Variants in A1BG observed in about 807,000 individuals in gnomAD.
A1BG encodes alpha-1-B glycoprotein.
A1BG carries 44 observed loss-of-function variants against 46.0 expected under a neutral mutation model. That is an observed-to-expected ratio of 0.96 (90% CI 0.75 to 1.23). The LOEUF (loss-of-function observed/expected upper bound fraction) is 1.23. A1BG is among the 50% of genes most tolerant of loss of function. The pLI is 0.00. For synonymous variants in A1BG, 316 were observed against 314.7 expected (o/e 1.00, Z -0.04); for missense variants, 707 against 688.8 (o/e 1.03, Z -0.30).
intron 5 of A1BG, 108 bp downstream of exon 5, chr19:58,351,262 CGGGTGGGCGGATAAAGTTGGT>C (rs1454688658): frequency 1.7e-6 from 2 of 1,148,846 alleles, no homozygotes; most frequent in Admixed American, 2.1e-5. Context: ...CCTGAATCGG[CGGGTGGGCGGATAAAGTTGGT>C]ATTGGACCCT....
At position 58,345,396 on chromosome 19, in the gene A1BG, G is replaced by GCTCAC. The variant is rs1447442954; in HGVS notation, c.*1621_*1625dup. The GCTCAC allele has an allele frequency of 2.0e-5, 3 of 152,210 alleles. No homozygotes were observed. The highest frequency in any genetic ancestry group is 2.4e-5 in the African/African-American group (1 of 41,448). The allele number at this position is 152,210 out of a possible 1,614,324, so 9.4% of individuals were successfully genotyped here. A position where few individuals can be genotyped will look rare whatever the true frequency, so the allele number is the denominator to read the frequency against. On this transcript the variant is annotated 3_prime_UTR_variant, in exon 8 of 8. Transcript: ENST00000263100. ...AACTAAGCTGGGGCTGGGCGTGGTG[G>GCTCAC]CTCACCCCTGTAATCCCAGCACTTT...
Position 58,350,485 on chromosome 19 carries a change from G to A in A1BG, c.1077C>T (p.Phe359=), listed in dbSNP as rs2051947568. ...FQSPAGTEAL[F]ELHNISVADS... ...CAGCCACGGAAATGTTGTGCAGCTC[G>A]AAGAGCGCCTCGGTCCCAGCGGGGC... Residue 359 remains phenylalanine, a synonymous_variant, in exon 6 of 8, where the codon TTC becomes TTT. Coordinates refer to ENST00000263100, the MANE Select transcript of A1BG (RefSeq NM_130786.4). 6.4e-7 allele frequency: 1 copy of A among 1,556,506 alleles called. No individual in the cohort carries two copies. Among genetic ancestry groups the A allele is most frequent in the Non-Finnish European group, 8.7e-7 (1 of 1,150,704 alleles).
intron 6 of A1BG, 40 bp from the exon 7 acceptor site, chr19:58,347,680 C>T: frequency 7.7e-7 from 1 of 1,295,364 alleles, no homozygotes. Flanking sequence ...GGCCACGCCC[C>T]AGGCCACGCC....
At chr19:58,350,769 C>CT in intron 5 of A1BG, 118 bp from the exon 6 acceptor site, 1 of 1,162,014 alleles carries the variant, frequency 8.6e-7, no homozygotes, top group Non-Finnish European at 1.1e-6. Flanking sequence ...ACCTGGCCAG[C>CT]TTCCTCCCTC....
At position 58,352,907 on chromosome 19, in the gene A1BG, C is replaced by G. The variant is rs760970345; in HGVS notation, c.340+21G>C. ...CAACCTACCCACTGCCTCCTGGCCC[C>G]CAATTCATGCCCCGGCTCACTTGGC... On this transcript the variant is annotated intron_variant, in intron 3 of 7. Coordinates refer to ENST00000263100, the MANE Select transcript of A1BG (RefSeq NM_130786.4). The G allele has an allele frequency of 6.9e-6, 11 of 1,601,268 alleles. No homozygotes were observed. In the South Asian group the frequency reaches 8.9e-5, roughly 13 times the overall value.
chr19:58,349,541 C>T (rs746171130), intron 6 of A1BG: 12 of 151,816 alleles, frequency 7.9e-5, no homozygotes, highest in Non-Finnish European at 1.5e-4. Context: ...ATACCAGCTA[C>T]TCAGGAGGCT....
Position 58,346,925 on chromosome 19 carries a change from A to G in A1BG, c.*97T>C. 1 of 1,323,938 alleles carries G rather than the reference A, an allele frequency of 7.6e-7. No homozygotes were observed. The highest frequency in any genetic ancestry group is 1.4e-5 in the African/African-American group (1 of 69,224). 82.0% of individuals were successfully genotyped at this position (1,323,938 alleles called of 1,614,324 possible). ...GAGGGAGGCTTCTCCAGCCCCCCAG[A>G]GACCCCGGCCTTGTGCTGCAACAGG... is the stretch of plus-strand genomic sequence containing the variant. On this transcript the variant is annotated 3_prime_UTR_variant, in exon 8 of 8. Transcript: ENST00000263100.
At chr19:58,347,713 C>G (rs1204409060) in intron 6 of A1BG, 73 bp from the exon 7 acceptor site, 10 of 1,022,624 alleles carry the variant, frequency 9.8e-6, no homozygotes, top group African/African-American at 3.4e-5. Flanking sequence ...CCAGGCCACA[C>G]CCCAGGCCGC....
chr19:58,351,373 C>T lies in A1BG; in HGVS notation c.910+18G>A. 1 of 1,605,238 alleles carries T rather than the reference C, an allele frequency of 6.2e-7. No homozygotes were observed. The highest frequency in any genetic ancestry group is 8.5e-7 in the Non-Finnish European group (1 of 1,178,934). ...CAGGGACCCAGCCGCGTCCCTGTCC[C>T]TGCTGGCCCCGGCTCACCATCGCTC... On this transcript the variant is annotated intron_variant, in intron 5 of 7. Transcript: ENST00000263100.
rs2051949009 is a variant in A1BG, at chr19:58,350,611, G to A, written c.951C>T (p.Ser317=). ...PAPEFSPEPE[S]GRALRLRCLA... ...GGCACCGCAGCCGCAAGGCCCTGCC[G>A]GACTCCGGCTCCGGGGAGAACTCCG... is the stretch of plus-strand genomic sequence containing the variant. The change falls in exon 6 of 8, where the codon TCC becomes TCT. Residue 317 remains serine (S), a synonymous_variant. Transcript: ENST00000263100. 1.2e-5 allele frequency: 17 copies of A among 1,456,632 alleles called. No homozygotes were observed. The highest frequency in any genetic ancestry group is 1.5e-5 in the African/African-American group (1 of 67,044). 90.2% of individuals were successfully genotyped at this position (1,456,632 alleles called of 1,614,324 possible). A position where few individuals can be genotyped will look rare whatever the true frequency, so the allele number is the denominator to read the frequency against.
intron 5 of A1BG, 101 bp from the exon 6 acceptor site, chr19:58,350,752 C>T (rs1180223038): frequency 2.4e-6 from 3 of 1,241,076 alleles, no homozygotes; most frequent in East Asian, 6.4e-5. Flanking sequence ...GTCTTCTGCC[C>T]GCAATGACCT....
At position 58,351,546 on chromosome 19, in the gene A1BG, A is replaced by G. The variant is rs2051958732; in HGVS notation, c.755T>C (p.Val252Ala). The G allele has an allele frequency of 1.2e-6, 2 of 1,613,784 alleles. 1 individual carries two copies. The highest frequency in any genetic ancestry group is 2.2e-5 in the South Asian group (2 of 91,088). Residue 252 changes from valine (V) to alanine (A), a missense_variant, in exon 5 of 8, where the codon GTA (valine) becomes GCA (alanine). Val to Ala is a moderately conservative substitution (Grantham distance 64, BLOSUM62 0). Coordinates refer to ENST00000263100, the MANE Select transcript of A1BG (RefSeq NM_130786.4). The part of the protein sequence containing the change: ...QLRRGEKELL[V>A]PRSSTSPDRI... Reference sequence around the variant, plus strand: ...ATCTGGGCTGGTGCTGCTCCTGGGTACCAGCAGCTCTTTCTCCCCGCGCCG... The same window carrying G: ...ATCTGGGCTGGTGCTGCTCCTGGGTGCCAGCAGCTCTTTCTCCCCGCGCCG...
intron 4 of A1BG, 152 bp downstream of exon 4, chr19:58,352,131 C>A: frequency 1.3e-6 from 2 of 1,485,536 alleles, no homozygotes; most frequent in Non-Finnish European, 1.8e-6. Context: ...TGCCCAAACT[C>A]CTTTGCAACC....
intron 3 of A1BG, 63 bp downstream of exon 3, chr19:58,352,865 G>A: frequency 6.5e-7 from 1 of 1,544,420 alleles, no homozygotes; most frequent in Non-Finnish European, 8.7e-7. Context: ...TTGGAGGAAG[G>A]GAGACCCCCC....
intron 6 of A1BG, 140 bp from the exon 7 acceptor site, chr19:58,347,780 G>GA: frequency 4.0e-6 from 2 of 501,670 alleles, no homozygotes; most frequent in Non-Finnish European, 6.1e-6. Context: ...CCTGGGCGCA[G>GA]AGGGCTCCTC....
At position 58,347,365 on chromosome 19, in the gene A1BG, G is replaced by A. The variant is rs1179860678; in HGVS notation, c.1468C>T (p.Leu490Phe). 1.2e-6 allele frequency: 2 copies of A among 1,611,908 alleles called. No individual in the cohort carries two copies. The highest frequency in any genetic ancestry group is 1.7e-6 in the Non-Finnish European group (2 of 1,179,854). The change falls in exon 7 of 8, where the codon CTC (leucine) becomes TTC (phenylalanine). Residue 490 changes from leucine (L) to phenylalanine (F), a missense_variant. Coordinates refer to ENST00000263100, the MANE Select transcript of A1BG (RefSeq NM_130786.4). ...FESELSDPVE[L>F]LVAES ...AGGGAAACGTCACCTGCCACCAGGA[G>A]CTCCACAGGGTCGCTGAGCTCCGAT...
intron 7 of A1BG, 96 bp from the exon 8 acceptor site, chr19:58,347,125 G>A: frequency 1.3e-6 from 2 of 1,507,420 alleles, no homozygotes; most frequent in Non-Finnish European, 1.8e-6. Flanking sequence ...CGCCCCCCCG[G>A]AAGGAAGCGC....
In A1BG at chr19:58,353,289, C is replaced by T; in HGVS notation, c.70+3G>A. On this transcript the variant is annotated splice_donor_region_variant and intron_variant, in intron 2 of 7. Coordinates refer to ENST00000263100, the MANE Select transcript of A1BG (RefSeq NM_130786.4). ...CATTCCCAGACCTCACCCCTGCACTCACATATGGCTGCTTCTGTCACTGGG... is the reference window on the plus strand; with the variant it reads ...CATTCCCAGACCTCACCCCTGCACTTACATATGGCTGCTTCTGTCACTGGG... The T allele has an allele frequency of 3.7e-6, 6 of 1,613,748 alleles. No homozygotes were observed. Among genetic ancestry groups the T allele is most frequent in the African/African-American group, 1.3e-5 (1 of 74,996 alleles).
chr19:58,347,490 G>A lies in A1BG; in HGVS notation c.1343C>T (p.Thr448Ile), dbSNP rs748492537. 3.1e-6 allele frequency: 5 copies of A among 1,595,872 alleles called. No individual in the cohort carries two copies. Among genetic ancestry groups the A allele is most frequent in the East Asian group, 2.3e-5 (1 of 43,986 alleles). ...CTCGAGGTTCGCCGCGGCCCCGGGG[G>A]TGCGGACCGTCTTCACGGCCTTCGT... ...GETKAVKTVR[T>I]PGAAANLELI... is the part of the protein sequence containing the mutation. Residue 448 changes from threonine to isoleucine, a missense_variant, in exon 7 of 8, where the codon ACC becomes ATC. Coordinates refer to ENST00000263100, the MANE Select transcript of A1BG (RefSeq NM_130786.4).
Sources: gnomAD v4.1 joint callset for allele counts on GRCh38, gnomAD v4.1.1 for gene constraint, MANE v1.5 for transcripts, NCBI Gene and HGNC (gene_info 2026-07-23, HGNC 2026-07-21) for gene names.